Variants in CSMD2 observed in about 807,000 individuals in gnomAD.
The protein encoded by CSMD2 is CUB and sushi domain-containing protein 2.
Under a neutral mutation model 398.5 loss-of-function variants are expected in CSMD2, and 130 were observed. That is an observed-to-expected ratio of 0.33 (90% CI 0.28 to 0.38). The LOEUF (loss-of-function observed/expected upper bound fraction) is 0.38. Among genes scored for constraint, CSMD2 ranks in the 10% least tolerant of loss-of-function variants. The pLI is 1.00. For missense variants in CSMD2, 3,829 were observed against 4,764.9 expected (o/e 0.80, Z 5.78); for synonymous variants, 1,828 against 1,908.5 (o/e 0.96, Z 1.10).
chr1:33,833,180 C>T (rs1294722427), intron 6 of CSMD2, among the ~76,000 whole-genome samples: 5 of 124,648 alleles, frequency 4.0e-5, no homozygotes, highest in East Asian at 2.4e-4. Context: ...ATACCAAAGC[C>T]GGGCAGAGAC....
intron 13 of CSMD2, among the ~76,000 whole-genome samples, chr1:33,749,884 C>G (rs760608884): frequency 1.3e-4 from 20 of 152,152 alleles, no homozygotes; most frequent in Non-Finnish European, 2.6e-4. Flanking sequence ...TATAAACAAA[C>G]TTGTAATAGC....
In CSMD2 at chr1:33,881,664, T is replaced by C. The variant is rs1279640929; in HGVS notation, c.921-34668A>G. On this transcript the variant is annotated intron_variant, in intron 5 of 70. Coordinates refer to ENST00000373381, the MANE Select transcript of CSMD2 (RefSeq NM_001281956.2). ...ATAAAATCTTCTGTTAGAAAATTTGTTCCTAATCCTGTAGGTGGTGGGAGC... is the reference window on the plus strand; with the variant it reads ...ATAAAATCTTCTGTTAGAAAATTTGCTCCTAATCCTGTAGGTGGTGGGAGC... 3.9e-5 allele frequency among the ~76,000 whole-genome samples: 6 copies of C among 152,212 alleles called. 1 individual carries two copies. Among genetic ancestry groups the C allele is most frequent in the African/African-American group, 1.4e-4 (6 of 41,454 alleles).
intron 4 of CSMD2, among the ~76,000 whole-genome samples, chr1:33,920,564 A>G (rs60427812): frequency 0.076 from 10,936 of 144,692 alleles, 1,323 homozygotes; most frequent in African/African-American, 0.25. Flanking sequence ...AAAAAAAAAA[A>G]AGAGACCCAA....
intron 10 of CSMD2, among the ~76,000 whole-genome samples, chr1:33,793,919 T>C (rs760260285): frequency 5.3e-5 from 8 of 152,166 alleles, no homozygotes; most frequent in Admixed American, 1.3e-4. Context: ...ACACAGGCAC[T>C]CACTCCTGAT....
intron 13 of CSMD2, among the ~76,000 whole-genome samples, chr1:33,756,280 T>C (rs537015386): frequency 1.1e-4 from 16 of 152,334 alleles, no homozygotes; most frequent in Admixed American, 1.0e-3. Context: ...CAGTGGTCTT[T>C]GAAATGTCTC....
chr1:33,662,474 G>A (rs968572744), intron 26 of CSMD2, among the ~76,000 whole-genome samples: 2 of 151,932 alleles, frequency 1.3e-5, no homozygotes, highest in African/African-American at 4.8e-5. Context: ...ATCTAATAGG[G>A]GTGCACAAGT....
chr1:33,703,022 A>T (rs945995510), intron 22 of CSMD2, among the ~76,000 whole-genome samples: 3 of 152,110 alleles, frequency 2.0e-5, no homozygotes, highest in Middle Eastern at 6.3e-3. Flanking sequence ...TTTGTTTGTC[A>T]ACTTTCTATT....
chr1:34,104,763 G>A (rs1045908548), intron 1 of CSMD2, among the ~76,000 whole-genome samples: 5 of 152,186 alleles, frequency 3.3e-5, no homozygotes, highest in Non-Finnish European at 5.9e-5. Context: ...TGATGAGAGA[G>A]GCAGGGGTCA....
chr1:33,519,660 G>A lies in CSMD2; in HGVS notation c.10754C>T (p.Pro3585Leu). Reference sequence around the variant, plus strand: ...CTCGTGGCCAGCATAGCCATTGAAAGGAACTTTGGGTCTTCTCCTGGCGAT... The same window carrying A: ...CTCGTGGCCAGCATAGCCATTGAAAAGAACTTTGGGTCTTCTCCTGGCGAT... ...LYKHRRRPKV[P>L]FNGYAGHENT... The change falls in exon 70 of 71, where the codon CCT (proline) becomes CTT (leucine). Residue 3585 changes from proline (P) to leucine (L), a missense_variant. By Grantham distance (98) the Pro-to-Leu change is moderately conservative. This residue lies in a region of CSMD2 where 917 missense variants were observed against 1,199.5 expected (regional missense o/e 0.76). Coordinates refer to ENST00000373381, the MANE Select transcript of CSMD2 (RefSeq NM_001281956.2). This position sits in a 1 kb window ranked among gnomAD's most constrained non-coding sequence, Gnocchi z 5.6. 3.1e-6 allele frequency: 5 copies of A among 1,614,080 alleles called. No individual in the cohort carries two copies. Among genetic ancestry groups the A allele is most frequent in the Non-Finnish European group, 2.5e-6 (3 of 1,180,024 alleles).
At chr1:33,618,110 A>G (rs1641519400) in intron 37 of CSMD2, among the ~76,000 whole-genome samples, 1 of 152,298 alleles carries the variant, frequency 6.6e-6, no homozygotes, top group Middle Eastern at 3.4e-3. Flanking sequence ...GCTCAGTTAG[A>G]GTCCGACTTT....
rs1221592947 is a variant in CSMD2 at position 34,070,756 on chromosome 1, G to A, written c.404+18221C>T. Among the ~76,000 whole-genome samples the A allele has an allele frequency of 2.0e-5, 3 of 151,082 alleles. No individual in the cohort carries two copies. In the East Asian group the frequency reaches 5.9e-4, roughly 30 times the overall value. On this transcript the variant is annotated intron_variant, in intron 2 of 70. Transcript: ENST00000373381. Reference sequence around the variant, plus strand: ...ATCCACTACTGCAAGGCTTCTTGCAGAACTAGAAAGCTTCTTTATTGTCCA... The same window carrying A: ...ATCCACTACTGCAAGGCTTCTTGCAAAACTAGAAAGCTTCTTTATTGTCCA...
chr1:34,063,549 C>T (rs1654763077), intron 2 of CSMD2, among the ~76,000 whole-genome samples: 1 of 152,226 alleles, frequency 6.6e-6, no homozygotes, highest in Non-Finnish European at 1.5e-5. Flanking sequence ...CCATGTCTCA[C>T]ATCCAGGTCA....
chr1:33,601,119 C>A lies in CSMD2; in HGVS notation c.6711-109G>T. 8 of 1,412,592 alleles carry A rather than the reference C, an allele frequency of 5.7e-6. No homozygotes were observed. In the South Asian group the frequency reaches 6.5e-5, roughly 12 times the overall value. The allele number at this position is 1,412,592 out of a possible 1,614,324, so 87.5% of individuals were successfully genotyped here. A position where few individuals can be genotyped will look rare whatever the true frequency, so the allele number is the denominator to read the frequency against. ...AGACCTGGAGTGGGAGGCTATGATT[C>A]TTTTTGTACCAACACTTCCCCACAC... On this transcript the variant is annotated intron_variant, in intron 43 of 70. Coordinates refer to ENST00000373381, the MANE Select transcript of CSMD2 (RefSeq NM_001281956.2).
intron 32 of CSMD2, among the ~76,000 whole-genome samples, chr1:33,632,128 T>C (rs1163684271): frequency 1.3e-5 from 2 of 152,100 alleles, no homozygotes; most frequent in Non-Finnish European, 2.9e-5. Context: ...ATGGTTAGAT[T>C]CCCTATATCA....
At chr1:33,811,633 T>C (rs758808404) in intron 9 of CSMD2, among the ~76,000 whole-genome samples, 1 of 152,224 alleles carries the variant, frequency 6.6e-6, no homozygotes, top group Non-Finnish European at 1.5e-5. Flanking sequence ...CTCAAGTAGA[T>C]ATAAAGTGTT....
intron 1 of CSMD2, among the ~76,000 whole-genome samples, chr1:34,135,489 T>A (rs1677747): frequency 6.6e-6 from 1 of 151,594 alleles, no homozygotes; most frequent in African/African-American, 2.4e-5. Context: ...GTGGTGGCAC[T>A]TGCCTGTAGT....
intron 2 of CSMD2, among the ~76,000 whole-genome samples, chr1:34,077,226 G>T (rs1371212394): frequency 6.6e-6 from 1 of 151,698 alleles, no homozygotes; most frequent in South Asian, 2.1e-4. Flanking sequence ...GGGAGGCCGA[G>T]GAGGGTGGAT....
At chr1:33,760,441 C>G (rs1649677771) in intron 13 of CSMD2, among the ~76,000 whole-genome samples, 1 of 152,174 alleles carries the variant, frequency 6.6e-6, no homozygotes, top group African/African-American at 2.4e-5. Context: ...TGGGGCTCAG[C>G]TTTTACCTTG....
At chr1:33,630,916 T>C (rs1642430006) in intron 32 of CSMD2, among the ~76,000 whole-genome samples, 1 of 152,068 alleles carries the variant, frequency 6.6e-6, no homozygotes, top group Non-Finnish European at 1.5e-5. Flanking sequence ...AAACTATGCT[T>C]GGAGGTGAAT....
Sources: gnomAD v4.1 joint callset for allele counts (sites outside exome capture counted in the v4.1 genomes callset) on GRCh38, gnomAD v4.1.1 for gene constraint, gnomAD v4.1.1 regional missense constraint, Gnocchi (gnomAD v3.1) non-coding constraint, MANE v1.5 for transcripts, NCBI Gene and HGNC (gene_info 2026-07-23, HGNC 2026-07-21) for gene names.